Variants in PLD4 observed in about 807,000 individuals in gnomAD.
The protein encoded by PLD4 is 5'-3' exonuclease PLD4.
PLD4 carries 54 observed loss-of-function variants against 52.3 expected under a neutral mutation model. The ratio of observed to expected loss-of-function variants is 1.03; its 90% confidence interval spans 0.83 to 1.30. The LOEUF (loss-of-function observed/expected upper bound fraction) is 1.30. PLD4 is among the 50% of genes most tolerant of loss of function. PLD4 has a pLI of 0.00. For missense variants in PLD4, 731 were observed against 671.1 expected, an observed-to-expected ratio of 1.09 and a Z score of -0.99; for synonymous variants, 264 against 286.5, an observed-to-expected ratio of 0.92 and a Z score of 0.79.
chr14:104,931,610 C>A, intron 7 of PLD4, 138 bp from the exon 8 acceptor site: 3 of 1,243,804 alleles, frequency 2.4e-6, no homozygotes, highest in Non-Finnish European at 3.2e-6. Context: ...GAGCCGACCC[C>A]TTCTTTCCTC....
chr14:104,933,221 A>C lies in PLD4; in HGVS notation c.*257A>C. 1 of 410,990 alleles carries C rather than the reference A, an allele frequency of 2.4e-6. No individual in the cohort carries two copies. The allele number at this position is 410,990 out of a possible 1,614,324, so 25.5% of individuals were successfully genotyped here. On this transcript the variant is annotated 3_prime_UTR_variant, in exon 11 of 11. Coordinates refer to ENST00000392593, the MANE Select transcript of PLD4 (RefSeq NM_138790.5). The stretch of plus-strand genomic sequence containing the variant: ...TCCTGGCCCACAGGCCAGGCCTAAA[A>C]AAAACTCGTGGCTTCCCGGTGCCTC...
chr14:104,926,584 C>T (rs954458034), intron 1 of PLD4, among the ~76,000 whole-genome samples: 3 of 152,230 alleles, frequency 2.0e-5, no homozygotes, highest in Non-Finnish European at 2.9e-5. Flanking sequence ...TCAGCTGCCC[C>T]CTCTGACCTG....
rs1897717926 is a variant in PLD4, at chr14:104,933,164, C to T, written c.*200C>T. 2 of 584,268 alleles carry T rather than the reference C, an allele frequency of 3.4e-6. No homozygotes were observed. Among genetic ancestry groups the T allele is most frequent in the Non-Finnish European group, 5.7e-6 (2 of 350,806 alleles). The allele number at this position is 584,268 out of a possible 1,614,324, so 36.2% of individuals were successfully genotyped here. A position where few individuals can be genotyped will look rare whatever the true frequency, so the allele number is the denominator to read the frequency against. On this transcript the variant is annotated 3_prime_UTR_variant, in exon 11 of 11. Coordinates refer to ENST00000392593, the MANE Select transcript of PLD4 (RefSeq NM_138790.5). Reference sequence around the variant, plus strand: ...AGCCCCCCCTGAGCCCCACCTCCTCCAGGGAGCCCTCCAGGAAGCCCCTTC... The same window carrying T: ...AGCCCCCCCTGAGCCCCACCTCCTCTAGGGAGCCCTCCAGGAAGCCCCTTC...
rs745541259 is a variant in PLD4, at chr14:104,932,185, C to T, written c.1224+8C>T. ...AACGTCTCTGTGGACGTGGTGAGGG[C>T]GTGCTCCCGGCCGGGCGTGGGAAAG... is the stretch of plus-strand genomic sequence containing the variant. On this transcript the variant is annotated splice_region_variant and intron_variant, in intron 9 of 10. Transcript: ENST00000392593. This position sits in a 1 kb window ranked among gnomAD's most constrained non-coding sequence, Gnocchi z 6.5. 1.9e-6 allele frequency: 3 copies of T among 1,611,420 alleles called. No homozygotes were observed. The African/African-American group carries it at 4.0e-5, about 22-fold the overall frequency.
At chr14:104,935,569 G>T (rs1327053014), downstream of PLD4, 1 of 152,274 alleles carries the variant, frequency 6.6e-6, no homozygotes, top group African/African-American at 2.4e-5. Flanking sequence ...CCTTGAGTGT[G>T]TGCAGGACCT....
At chr14:104,927,293 C>T (rs1196210086) in intron 2 of PLD4, 63 bp downstream of exon 2, 16 of 1,370,912 alleles carry the variant, frequency 1.2e-5, no homozygotes, top group Non-Finnish European at 1.5e-5. Flanking sequence ...GAGCTCCGAG[C>T]CAGAGTGGAG....
In PLD4 at chr14:104,927,812, GC is replaced by G; in HGVS notation, c.233del (p.Pro78GlnfsTer160). The G allele has an allele frequency of 1.9e-6, 3 of 1,593,414 alleles. No individual in the cohort carries two copies. Among genetic ancestry groups the G allele is most frequent in the Middle Eastern group, 3.3e-4 (2 of 6,004 alleles). ...CCCAGGTCCTGGGAGCATGGCTCCAGCCCAGCTTGGGAGCCCCTGGAAGCAG... is the reference window on the plus strand; with the variant it reads ...CCCAGGTCCTGGGAGCATGGCTCCAGCCAGCTTGGGAGCCCCTGGAAGCAG... ...DVPRSWEHGS[S>X]PAWEPLEAEA... On this transcript the variant is annotated frameshift_variant, in exon 3 of 11. Transcript: ENST00000392593. LOFTEE classifies it high-confidence loss of function.
chr14:104,928,219 G>T (rs980542479), intron 3 of PLD4, among the ~76,000 whole-genome samples: 4 of 152,086 alleles, frequency 2.6e-5, no homozygotes, highest in African/African-American at 9.7e-5. Flanking sequence ...CTGCGGTTGG[G>T]GTCCTGGAAT....
Position 104,927,762 on chromosome 14 carries a change from G to C in PLD4, c.180G>C (p.Trp60Cys). 4 of 1,599,236 alleles carry C rather than the reference G, an allele frequency of 2.5e-6. No individual in the cohort carries two copies. Among genetic ancestry groups the C allele is most frequent in the Non-Finnish European group, 3.4e-6 (4 of 1,176,882 alleles). The change falls in exon 3 of 11, where the codon TGG (tryptophan) becomes TGC (cysteine). Residue 60 changes from tryptophan (W) to cysteine (C), a missense_variant. Transcript: ENST00000392593. ...LLWQVPRPPTWGQVQPKDVPR... is the reference protein window; with the variant it reads ...LLWQVPRPPTCGQVQPKDVPR... ...GGCAAGTGCCCCGTCCTCCCACCTG[G>C]GGCCAGGTGCAGCCCAAGGACGTGC...
rs1595380218 is a variant in PLD4, at chr14:104,930,111, T to G, written c.717+6T>G. ...ACTGGCGGTCTCTGACGCAGGTGAG[T>G]GCCAGGGCCCTAACACAGGAGGCCT... On this transcript the variant is annotated splice_donor_region_variant and intron_variant, in intron 6 of 10. Transcript: ENST00000392593. 6.2e-7 allele frequency: 1 copy of G among 1,613,024 alleles called. No individual in the cohort carries two copies. The highest frequency in any genetic ancestry group is 8.5e-7 in the Non-Finnish European group (1 of 1,179,902).
chr14:104,926,707 T>A (rs1437304573), intron 1 of PLD4, among the ~76,000 whole-genome samples: 1 of 152,222 alleles, frequency 6.6e-6, no homozygotes, highest in Non-Finnish European at 1.5e-5. Context: ...GAAACAGCCC[T>A]TTCAGACGCA....
At chr14:104,935,684 CT>C (rs1897791192), downstream of PLD4, 1 of 152,230 alleles carries the variant, frequency 6.6e-6, no homozygotes. Flanking sequence ...GAATAGCAGT[CT>C]ATCCCTTGCT....
intron 5 of PLD4, 78 bp from the exon 6 acceptor site, chr14:104,929,900 A>C: frequency 1.3e-6 from 2 of 1,532,900 alleles, no homozygotes; most frequent in Non-Finnish European, 1.8e-6. Flanking sequence ...CCCACTGTCA[A>C]GAGCTTGGGG....
At chr14:104,931,976 G>A (rs759416582) in intron 8 of PLD4, 36 bp from the exon 9 acceptor site, 7 of 1,542,308 alleles carry the variant, frequency 4.5e-6, no homozygotes, top group South Asian at 3.7e-5. Flanking sequence ...ATCGGGCCCG[G>A]CTTGTAAGCA....
At chr14:104,926,608 G>A (rs536528807) in intron 1 of PLD4, among the ~76,000 whole-genome samples, 1 of 152,344 alleles carries the variant, frequency 6.6e-6, no homozygotes, top group East Asian at 1.9e-4. Context: ...CTCTCTGGAG[G>A]GGCTGCCGTG....
Position 104,927,171 on chromosome 14 carries a change from G to A in PLD4, c.31G>A (p.Ala11Thr). The stretch of plus-strand genomic sequence containing the variant: ...GAAGCCTCTTTGGAAAGCAGCAGTG[G>A]CCCCCACATGGCCATGCTCCATGCC... MLKPLWKAAV[A>T]PTWPCSMPPR... Residue 11 changes from alanine (A) to threonine (T), a missense_variant, in exon 2 of 11, where the codon GCC (alanine) becomes ACC (threonine). Ala to Thr is a moderately conservative substitution (Grantham distance 58). Coordinates refer to ENST00000392593, the MANE Select transcript of PLD4 (RefSeq NM_138790.5). 1 of 1,561,608 alleles carries A rather than the reference G, an allele frequency of 6.4e-7. No individual in the cohort carries two copies. The highest frequency in any genetic ancestry group is 8.7e-7 in the Non-Finnish European group (1 of 1,153,220).
chr14:104,929,536 A>G, intron 5 of PLD4, 109 bp downstream of exon 5: 1 of 1,437,136 alleles, frequency 7.0e-7, no homozygotes, highest in East Asian at 2.5e-5. Context: ...GGTGCCCTGG[A>G]CTTCCCTAGG....
At chr14:104,926,310 C>T (rs370341813) in intron 1 of PLD4, among the ~76,000 whole-genome samples, 160 of 152,320 alleles carry the variant, frequency 1.1e-3, no homozygotes, top group African/African-American at 3.6e-3. Context: ...CCGGGGAGGG[C>T]GCCTCTGTAC....
Position 104,933,057 on chromosome 14 carries a change from C to A in PLD4, c.*93C>A. The A allele has an allele frequency of 1.4e-6, 2 of 1,391,382 alleles. No individual in the cohort carries two copies. The highest frequency in any genetic ancestry group is 1.5e-5 in the South Asian group (1 of 68,798). 86.2% of individuals were successfully genotyped at this position (1,391,382 alleles called of 1,614,324 possible). Reference sequence around the variant, plus strand: ...TTCAGCCGCTTCCTCCCGCAAGCAGCCCGGGTCCGCACTGCGCCAGGAGCC... The same window carrying A: ...TTCAGCCGCTTCCTCCCGCAAGCAGACCGGGTCCGCACTGCGCCAGGAGCC... On this transcript the variant is annotated 3_prime_UTR_variant, in exon 11 of 11. Transcript: ENST00000392593.
Sources: gnomAD v4.1 joint callset for allele counts (sites outside exome capture counted in the v4.1 genomes callset) on GRCh38, gnomAD v4.1.1 for gene constraint, Gnocchi (gnomAD v3.1) non-coding constraint, MANE v1.5 for transcripts, NCBI Gene and HGNC (gene_info 2026-07-23, HGNC 2026-07-21) for gene names.